Variants in PREX2 observed in about 807,000 individuals in gnomAD.
The protein encoded by PREX2 is phosphatidylinositol 3,4,5-trisphosphate-dependent Rac exchanger 2 protein.
In PREX2, 107 loss-of-function variants were observed where a neutral mutation model predicts 203.2. That is an observed-to-expected ratio of 0.53 (90% CI 0.45 to 0.62). The LOEUF is 0.62. PREX2 is among the 20% of genes least tolerant of loss of function. The pLI, the probability that PREX2 is intolerant of heterozygous loss-of-function variation, is 0.00. For synonymous variants in PREX2, 672 were observed against 663.6 expected (o/e 1.01, Z -0.19); for missense variants, 1,777 against 1,955.9 (o/e 0.91, Z 1.72).
intron 34 of PREX2, among the ~76,000 whole-genome samples, chr8:68,152,307 A>AAAAAAAAAAAT (rs1811454415): frequency 6.6e-6 from 1 of 151,050 alleles, no homozygotes; most frequent in African/African-American, 2.5e-5. Context: ...AAAAAAAAAA[A>AAAAAAAAAAAT]AAAGATAAAT....
At chr8:68,182,974 G>A (rs1812114015) in intron 35 of PREX2, among the ~76,000 whole-genome samples, 1 of 151,668 alleles carries the variant, frequency 6.6e-6, no homozygotes, top group Non-Finnish European at 1.5e-5. Flanking sequence ...ATGCAAAAAG[G>A]TGGGAAAACT....
At chr8:68,117,637 G>A (rs1810683958) in intron 26 of PREX2, among the ~76,000 whole-genome samples, 1 of 152,130 alleles carries the variant, frequency 6.6e-6, no homozygotes, top group Non-Finnish European at 1.5e-5. Flanking sequence ...TTAAAGTTAA[G>A]GACGTCCTTT....
chr8:68,143,901 G>A (rs1306313838), intron 33 of PREX2, among the ~76,000 whole-genome samples: 1 of 152,008 alleles, frequency 6.6e-6, no homozygotes, highest in African/African-American at 2.4e-5. Flanking sequence ...TTATGTTTTT[G>A]CATGTAGATG....
Position 68,030,403 on chromosome 8 carries a change from T to A in PREX2, c.544-94T>A. 3 of 1,197,114 alleles carry A rather than the reference T, an allele frequency of 2.5e-6. No homozygotes were observed. The East Asian group carries it at 7.4e-5, about 29-fold the overall frequency. The allele number at this position is 1,197,114 out of a possible 1,614,324, so 74.2% of individuals were successfully genotyped here. ...ATGTCACTTATGGAAGTGGCTCTCA[T>A]GATCTTTGCAGTTTTCATTTCCTGG... is the stretch of plus-strand genomic sequence containing the variant. On this transcript the variant is annotated intron_variant, in intron 5 of 39. Transcript: ENST00000288368.
intron 13 of PREX2, among the ~76,000 whole-genome samples, chr8:68,070,902 C>A (rs937070105): frequency 6.6e-6 from 1 of 152,102 alleles, no homozygotes; most frequent in African/African-American, 2.4e-5. Flanking sequence ...TTTACTTTCA[C>A]AAGTAGACTT....
intron 1 of PREX2, among the ~76,000 whole-genome samples, chr8:67,998,545 A>G (rs1806837938): frequency 6.6e-6 from 1 of 152,192 alleles, no homozygotes; most frequent in Non-Finnish European, 1.5e-5. Context: ...CAAGGCAGGA[A>G]GATCGCTTGA....
intron 38 of PREX2, chr8:68,220,348 G>A (rs774335578): frequency 6.6e-6 from 1 of 152,146 alleles, no homozygotes; most frequent in Non-Finnish European, 1.5e-5. Context: ...TAAAAGGCTT[G>A]CAGTAGAAAC....
At chr8:68,059,113 T>C (rs935120444) in intron 10 of PREX2, among the ~76,000 whole-genome samples, 1 of 152,200 alleles carries the variant, frequency 6.6e-6, no homozygotes, top group Non-Finnish European at 1.5e-5. Context: ...AATGAAGAAA[T>C]AATTTCCTGA....
intron 1 of PREX2, among the ~76,000 whole-genome samples, chr8:67,955,705 G>A (rs1330374528): frequency 6.6e-6 from 1 of 152,168 alleles, no homozygotes; most frequent in Non-Finnish European, 1.5e-5. Context: ...TGCAGTGCTT[G>A]TGACATTGTA....
At chr8:68,217,519 G>T in intron 37 of PREX2, 97 bp from the exon 38 acceptor site, 1 of 817,900 alleles carries the variant, frequency 1.2e-6, no homozygotes, top group Non-Finnish European at 2.0e-6. Context: ...CTTTTATTTT[G>T]GCTGGTGCTT....
chr8:68,192,690 C>A lies in PREX2; in HGVS notation c.4604+165C>A, dbSNP rs1475628271. 6 of 539,924 alleles carry A rather than the reference C, an allele frequency of 1.1e-5. No individual in the cohort carries two copies. The African/African-American group carries it at 1.2e-4, about 11-fold the overall frequency. The allele number at this position is 539,924 out of a possible 1,614,324, so 33.4% of individuals were successfully genotyped here. On this transcript the variant is annotated intron_variant, in intron 37 of 39. Coordinates refer to ENST00000288368, the MANE Select transcript of PREX2 (RefSeq NM_024870.4). ...TTTCTGGTTTTAATTCTTGTATTTT[C>A]AGTGACTATTTAGTCATACACATGA...
intron 37 of PREX2, among the ~76,000 whole-genome samples, chr8:68,216,748 G>A (rs1812846384): frequency 6.6e-6 from 1 of 152,052 alleles, no homozygotes; most frequent in Non-Finnish European, 1.5e-5. Flanking sequence ...ACGAGGTCAG[G>A]AGATTGAGAC....
intron 1 of PREX2, among the ~76,000 whole-genome samples, chr8:67,994,883 G>A (rs1006756477): frequency 1.3e-5 from 2 of 152,172 alleles, no homozygotes; most frequent in Non-Finnish European, 2.9e-5. Flanking sequence ...TGGAGAGGAG[G>A]CAGGGGTTAG....
chr8:68,076,884 G>T (rs948785292), intron 14 of PREX2, among the ~76,000 whole-genome samples: 3 of 151,796 alleles, frequency 2.0e-5, no homozygotes, highest in Admixed American at 6.6e-5. Flanking sequence ...GCTTGTATTT[G>T]CTAGCTCAGC....
chr8:68,020,703 C>T (rs1271186441), intron 3 of PREX2, among the ~76,000 whole-genome samples: 1 of 152,120 alleles, frequency 6.6e-6, no homozygotes, highest in East Asian at 1.9e-4. Flanking sequence ...TTTGTGTCCA[C>T]TCACTTAAGC....
intron 9 of PREX2, among the ~76,000 whole-genome samples, chr8:68,055,312 CA>C (rs1181277129): frequency 6.6e-6 from 1 of 152,206 alleles, no homozygotes; most frequent in Admixed American, 6.5e-5. Context: ...TCCGGGCCTC[CA>C]AGTTGCTTCA....
chr8:68,103,653 A>G (rs1810328933), intron 23 of PREX2: 1 of 519,142 alleles, frequency 1.9e-6, no homozygotes, highest in East Asian at 5.4e-5. Flanking sequence ...GTGTAACTGA[A>G]ATGGCTGTAT....
At chr8:68,099,285 T>A (rs1376169524) in intron 22 of PREX2, among the ~76,000 whole-genome samples, 2 of 152,124 alleles carry the variant, frequency 1.3e-5, no homozygotes, top group Admixed American at 1.3e-4. Context: ...TCCTTTATGT[T>A]TTTTTGTTCT....
At chr8:68,212,393 A>G in intron 37 of PREX2, among the ~76,000 whole-genome samples, 1 of 152,182 alleles carries the variant, frequency 6.6e-6, no homozygotes, top group East Asian at 1.9e-4. Context: ...AAGAGATGGG[A>G]CTTGGCTTTG....
Sources: gnomAD v4.1 joint callset for allele counts (sites outside exome capture counted in the v4.1 genomes callset) on GRCh38, gnomAD v4.1.1 for gene constraint, MANE v1.5 for transcripts, NCBI Gene and HGNC (gene_info 2026-07-23, HGNC 2026-07-21) for gene names.